VPS53: variants seen among roughly 807,000 people sequenced by gnomAD.
The protein encoded by VPS53 is VPS53 subunit of GARP complex, also known as vacuolar protein sorting-associated protein 53 homolog.
A neutral mutation model predicts 107.0 loss-of-function variants in VPS53; 70 were observed. The observed-to-expected ratio is 0.65, with a 90% CI of 0.54 to 0.80. The LOEUF is 0.80. VPS53 is among the 30% of genes least tolerant of loss of function. VPS53 has a pLI of 0.00. For missense variants in VPS53, 917 were observed against 1,049.4 expected, an observed-to-expected ratio of 0.87 and a Z score of 1.74; for synonymous variants, 409 against 393.3, an observed-to-expected ratio of 1.04 and a Z score of -0.47.
At chr17:570,233 A>G (rs1913910379) in intron 13 of VPS53, among the ~76,000 whole-genome samples, 1 of 151,000 alleles carries the variant, frequency 6.6e-6, no homozygotes, top group Non-Finnish European at 1.5e-5. Flanking sequence ...AGCTGGGTGC[A>G]GTGGCGGGTA....
At chr17:538,436 C>T (rs1910290661) in intron 17 of VPS53, 1 of 152,230 alleles carries the variant, frequency 6.6e-6, no homozygotes, top group African/African-American at 2.4e-5. Context: ...AGAAGGAAGT[C>T]AGTAGTTCTG....
At chr17:706,575 ACAT>A (rs1353782185) in intron 2 of VPS53, among the ~76,000 whole-genome samples, 2 of 152,120 alleles carry the variant, frequency 1.3e-5, no homozygotes, top group African/African-American at 4.8e-5. Context: ...AGTCATTGTA[ACAT>A]CATAATTTAC....
intron 6 of VPS53, 86 bp downstream of exon 6, chr17:655,752 G>T: frequency 2.4e-6 from 3 of 1,255,032 alleles, no homozygotes; most frequent in East Asian, 2.5e-5. Flanking sequence ...AGACTTTCCT[G>T]GCTGAGAAGT....
chr17:630,188 G>T (rs1158673199), intron 8 of VPS53, among the ~76,000 whole-genome samples: 1 of 152,076 alleles, frequency 6.6e-6, no homozygotes, highest in Non-Finnish European at 1.5e-5. Context: ...CAGCTATTTG[G>T]GAGGCTGAGG....
rs200157618 is a variant in VPS53 at position 669,592 on chromosome 17, T to TAAAAAAAAA, written c.286-7706_286-7698dup. Among the ~76,000 whole-genome samples, 23 of 110,276 alleles carry TAAAAAAAAA rather than the reference T, an allele frequency of 2.1e-4. 1 individual carries two copies. The highest frequency in any genetic ancestry group is 5.7e-4 in the East Asian group (2 of 3,502). The allele number at this position is 110,276 out of a possible 152,430, so 72.3% of individuals were successfully genotyped here. On this transcript the variant is annotated intron_variant, in intron 4 of 21. Transcript: ENST00000437048. ...TGGGTGACAGAGACATACTCTGTCT[T>TAAAAAAAAA]AAAAAAAAAAAAAAAATTAGGCCAG...
intron 19 of VPS53, among the ~76,000 whole-genome samples, chr17:530,343 G>A (rs1026873303): frequency 4.6e-5 from 7 of 151,758 alleles, no homozygotes; most frequent in African/African-American, 1.2e-4. Context: ...TAGTAGAGAC[G>A]GGGGTTTCAC....
intron 3 of VPS53, among the ~76,000 whole-genome samples, chr17:698,181 C>G (rs1225500550): frequency 6.6e-6 from 1 of 152,180 alleles, no homozygotes; most frequent in Non-Finnish European, 1.5e-5. Context: ...ACCTATAATC[C>G]TAGCACTTTG....
At chr17:668,155 A>C (rs1287042994) in intron 4 of VPS53, among the ~76,000 whole-genome samples, 1 of 152,174 alleles carries the variant, frequency 6.6e-6, no homozygotes, top group East Asian at 1.9e-4. Flanking sequence ...ACTCCTATAG[A>C]GCCCATAGCT....
At chr17:609,238 T>C (rs1421869118) in intron 11 of VPS53, among the ~76,000 whole-genome samples, 1 of 152,186 alleles carries the variant, frequency 6.6e-6, no homozygotes, top group Non-Finnish European at 1.5e-5. Flanking sequence ...TTCCTATAGA[T>C]GGAATCATAT....
At chr17:681,568 G>A (rs1338323921) in intron 4 of VPS53, among the ~76,000 whole-genome samples, 1 of 152,200 alleles carries the variant, frequency 6.6e-6, no homozygotes, top group Non-Finnish European at 1.5e-5. Context: ...CTGTTGTTCT[G>A]GTTGAAAATA....
At chr17:572,141 C>T (rs1382889329) in intron 13 of VPS53, among the ~76,000 whole-genome samples, 15 of 151,642 alleles carry the variant, frequency 9.9e-5, no homozygotes, top group Non-Finnish European at 1.0e-4. Context: ...AAGTGAGGAG[C>T]GTCTCTGCCC....
chr17:596,876 C>T (rs371629571), intron 12 of VPS53, among the ~76,000 whole-genome samples: 62 of 152,178 alleles, frequency 4.1e-4, no homozygotes, highest in African/African-American at 1.5e-3. Flanking sequence ...AAGCTATTTC[C>T]TCCTGGAGTT....
At chr17:667,654 C>T (rs1043160174) in intron 4 of VPS53, among the ~76,000 whole-genome samples, 2 of 20,974 alleles carry the variant, frequency 9.5e-5, no homozygotes, top group Non-Finnish European at 1.9e-4. Flanking sequence ...ACATAATGTT[C>T]TGGGGGGGGG....
In VPS53 at chr17:597,991, C is replaced by CCACGG. The variant is rs71145754; in HGVS notation, c.1218+3803_1218+3804insCCGTG. Among the ~76,000 whole-genome samples, 11 of 20,244 alleles carry CCACGG rather than the reference C, an allele frequency of 5.4e-4. No individual in the cohort carries two copies. In the South Asian group the frequency reaches 9.5e-3, roughly 17 times the overall value. 13.3% of individuals were successfully genotyped at this position (20,244 alleles called of 152,430 possible). ...CCCTCTCCCCACGGTCTCCCTCTCC[C>CCACGG]TCTCTTTCCACGGTCTCCCTCTCAT... On this transcript the variant is annotated intron_variant, in intron 12 of 21. Coordinates refer to ENST00000437048, the MANE Select transcript of VPS53 (RefSeq NM_001128159.3).
intron 9 of VPS53, 69 bp from the exon 10 acceptor site, chr17:627,385 C>A: frequency 2.0e-6 from 3 of 1,529,198 alleles, no homozygotes; most frequent in Admixed American, 4.3e-5. Flanking sequence ...AGGAAACAAG[C>A]AAAAACACAG....
chr17:651,191 TACAC>T (rs759315985), intron 7 of VPS53, among the ~76,000 whole-genome samples: 1 of 152,088 alleles, frequency 6.6e-6, no homozygotes, highest in African/African-American at 2.4e-5. Context: ...TTTACGTAAA[TACAC>T]ACACACAAAT....
In VPS53 at chr17:509,020, AGGC is replaced by A. The variant is rs1907762426; in HGVS notation, c.*10105_*10107del. ...TTGAAAACTGCTGGTGAAGTACAAAAGGCATGGATGTTGGAATGAAGGCTGGAG... is the reference window on the plus strand; with the variant it reads ...TTGAAAACTGCTGGTGAAGTACAAAAATGGATGTTGGAATGAAGGCTGGAG... On this transcript the variant is annotated 3_prime_UTR_variant, in exon 22 of 22. Transcript: ENST00000437048. The A allele has an allele frequency of 6.6e-6, 1 of 152,264 alleles. No individual in the cohort carries two copies. Among genetic ancestry groups the A allele is most frequent in the Non-Finnish European group, 1.5e-5 (1 of 68,106 alleles). 9.4% of individuals were successfully genotyped at this position (152,264 alleles called of 1,614,324 possible). A position where few individuals can be genotyped will look rare whatever the true frequency, so the allele number is the denominator to read the frequency against.
intron 5 of VPS53, among the ~76,000 whole-genome samples, chr17:660,968 T>C (rs1170033087): frequency 1.3e-5 from 2 of 152,042 alleles, no homozygotes; most frequent in Non-Finnish European, 2.9e-5. Context: ...TTCTCGGTCT[T>C]CGGGGCAAGC....
chr17:695,386 A>C (rs565810712), intron 4 of VPS53, among the ~76,000 whole-genome samples: 2 of 152,236 alleles, frequency 1.3e-5, no homozygotes, highest in East Asian at 3.9e-4. Context: ...CGGCGGCTTA[A>C]AGAAATAGGA....
Sources: allele counts gnomAD v4.1 joint callset (sites outside exome capture counted in the v4.1 genomes callset), GRCh38; gene constraint gnomAD v4.1.1; transcripts MANE v1.5; gene names NCBI Gene and HGNC (gene_info 2026-07-23, HGNC 2026-07-21).